Variants in RASSF6 observed in about 807,000 individuals in gnomAD.
RASSF6 encodes ras association domain-containing protein 6.
RASSF6 carries 52 observed loss-of-function variants against 44.0 expected under a neutral mutation model. The ratio of observed to expected loss-of-function variants is 1.18; its 90% CI spans 0.95 to 1.49. The LOEUF (loss-of-function observed/expected upper bound fraction) is 1.49. Among genes scored for constraint, RASSF6 ranks in the 40% most tolerant of loss-of-function variants. RASSF6 has a pLI of 0.00. For synonymous variants in RASSF6, 162 were observed against 124.6 expected (o/e 1.30, Z -2.00); for missense variants, 464 against 393.3 (o/e 1.18, Z -1.52).
At chr4:73,586,017 T>A (rs10021827) in intron 5 of RASSF6, among the ~76,000 whole-genome samples, 34,623 of 122,568 alleles carry the variant, frequency 0.28, 4,982 homozygotes, top group Middle Eastern at 0.43. Context: ...GCCCAAGTTC[T>A]TTGGAGCTTT....
chr4:73,612,562 G>T (rs1350533299), intron 1 of RASSF6, among the ~76,000 whole-genome samples: 2 of 151,176 alleles, frequency 1.3e-5, no homozygotes, highest in African/African-American at 4.9e-5. Flanking sequence ...GGTTATTTGG[G>T]TTGGGTAAGA....
Position 73,607,801 on chromosome 4 carries a change from A to G in RASSF6, c.65+3930T>C. On this transcript the variant is annotated intron_variant, in intron 2 of 10. Coordinates refer to ENST00000307439, the MANE Select transcript of RASSF6 (RefSeq NM_177532.5). ...AGCTTCAGATTGCAAGCTCCACAAG[A>G]GTAGGACAGCTACCTCCTCTCCTCT... 1.3e-5 allele frequency among the ~76,000 whole-genome samples: 2 copies of G among 152,180 alleles called. 1 individual carries two copies. Among genetic ancestry groups the G allele is most frequent in the Non-Finnish European group, 2.9e-5 (2 of 67,972 alleles).
At chr4:73,615,303 G>C (rs1578069948) in intron 1 of RASSF6, among the ~76,000 whole-genome samples, 1 of 151,858 alleles carries the variant, frequency 6.6e-6, no homozygotes, top group East Asian at 1.9e-4. Flanking sequence ...ATGATTCATA[G>C]CAAACTAAAA....
chr4:73,617,781 A>G, intron 1 of RASSF6, among the ~76,000 whole-genome samples: 1 of 152,242 alleles, frequency 6.6e-6, no homozygotes, highest in Non-Finnish European at 1.5e-5. Context: ...CATACAAATT[A>G]ATTTTTGCAA....
Position 73,593,535 on chromosome 4 carries a change from C to T in RASSF6, c.203G>A (p.Arg68Gln), listed in dbSNP as rs1302260242. The part of the protein sequence containing the change: ...GMLDIFWGVK[R>Q]PIQLKIQDEK... ...ATCTTGTATTTTTAGCTGTATAGGTCGTTTTACTCCCCAGAAAATGTCCAG... is the reference window on the plus strand; with the variant it reads ...ATCTTGTATTTTTAGCTGTATAGGTTGTTTTACTCCCCAGAAAATGTCCAG... The change falls in exon 4 of 11, where the codon CGA becomes CAA. Residue 68 changes from arginine to glutamine, a missense_variant. By Grantham distance (43) the Arg-to-Gln change is conservative (BLOSUM62 1). Coordinates refer to ENST00000307439, the MANE Select transcript of RASSF6 (RefSeq NM_177532.5). 6.2e-7 allele frequency: 1 copy of T among 1,613,552 alleles called. No individual in the cohort carries two copies. Among genetic ancestry groups the T allele is most frequent in the Non-Finnish European group, 8.5e-7 (1 of 1,179,694 alleles).
chr4:73,581,208 A>C (rs1723622848), intron 8 of RASSF6, among the ~76,000 whole-genome samples: 1 of 152,172 alleles, frequency 6.6e-6, no homozygotes, highest in African/African-American at 2.4e-5. Flanking sequence ...TTGATATATA[A>C]AATTTTTCAT....
At chr4:73,588,598 A>T (rs1214253450) in intron 4 of RASSF6, among the ~76,000 whole-genome samples, 1 of 152,036 alleles carries the variant, frequency 6.6e-6, no homozygotes, top group Non-Finnish European at 1.5e-5. Flanking sequence ...GTCTTAAACA[A>T]GTTTCTTATC....
chr4:73,612,490 TTTTTTAAAA>T (rs1289581402), intron 1 of RASSF6, among the ~76,000 whole-genome samples: 2 of 22,600 alleles, frequency 8.8e-5, no homozygotes, highest in South Asian at 3.5e-3. Flanking sequence ...TTTTTTTTTT[TTTTTTAAAA>T]AAAAAAACGT....
At position 73,611,835 on chromosome 4, in the gene RASSF6, C is replaced by G. The variant is rs773058950; in HGVS notation, c.-34-6G>C. 1 of 1,553,638 alleles carries G rather than the reference C, an allele frequency of 6.4e-7. No individual in the cohort carries two copies. Among genetic ancestry groups the G allele is most frequent in the Non-Finnish European group, 8.9e-7 (1 of 1,126,582 alleles). ...TGAGATGGTCTGAGGATATCCTAAA[C>G]ATGAGAATAATATTAATGATTTGTT... is the stretch of plus-strand genomic sequence containing the variant. On this transcript the variant is annotated splice_polypyrimidine_tract_variant and splice_region_variant and intron_variant, in intron 1 of 10. Coordinates refer to ENST00000307439, the MANE Select transcript of RASSF6 (RefSeq NM_177532.5).
intron 1 of RASSF6, 41 bp downstream of exon 1, chr4:73,620,247 G>A (rs1726613265): frequency 1.6e-6 from 2 of 1,290,158 alleles, no homozygotes; most frequent in African/African-American, 3.1e-5. Flanking sequence ...TGACCCCAGG[G>A]AGTGGATTAG....
intron 3 of RASSF6, among the ~76,000 whole-genome samples, chr4:73,598,016 A>G (rs749124829): frequency 6.6e-6 from 1 of 152,208 alleles, no homozygotes. Context: ...ACTAATGAGT[A>G]CTAGGCTCAA....
rs761290627 is a variant in RASSF6, at chr4:73,585,227, T to C, written c.520A>G (p.Arg174Gly). 6.2e-7 allele frequency: 1 copy of C among 1,612,210 alleles called. No individual in the cohort carries two copies. The highest frequency in any genetic ancestry group is 8.5e-7 in the Non-Finnish European group (1 of 1,179,002). Residue 174 changes from arginine to glycine, a missense_variant, in exon 6 of 11, where the codon AGA (arginine) becomes GGA (glycine). Physicochemically the swap from Arg to Gly is moderately radical, Grantham distance 125. Transcript: ENST00000307439. ...TTAATAGAGGCTCTATTTTTCTGTC[T>C]TTCTTTTCTGTCCATCATCAGAGGC... ...MKPLMMDRKE[R>G]QKNRASINGH...
chr4:73,578,463 G>A (rs1454342455), intron 8 of RASSF6, among the ~76,000 whole-genome samples: 1 of 151,934 alleles, frequency 6.6e-6, no homozygotes, highest in African/African-American at 2.4e-5. Flanking sequence ...TATTGTAATT[G>A]GAACAAACGA....
At chr4:73,616,285 G>A (rs1267241397) in intron 1 of RASSF6, among the ~76,000 whole-genome samples, 1 of 151,588 alleles carries the variant, frequency 6.6e-6, no homozygotes, top group African/African-American at 2.4e-5. Context: ...ATATACAGGT[G>A]CTAACTTCCC....
intron 3 of RASSF6, among the ~76,000 whole-genome samples, chr4:73,596,866 GA>G (rs1724974815): frequency 6.6e-6 from 1 of 152,104 alleles, no homozygotes; most frequent in African/African-American, 2.4e-5. Flanking sequence ...AAAACAAGCA[GA>G]GGGGAAAGGA....
chr4:73,580,716 G>C (rs534343649), intron 8 of RASSF6, among the ~76,000 whole-genome samples: 1 of 144,462 alleles, frequency 6.9e-6, no homozygotes, highest in East Asian at 2.1e-4. Context: ...TTTTTGATGG[G>C]GTTGTTTGTT....
At chr4:73,593,018 GA>G (rs1368822019) in intron 4 of RASSF6, among the ~76,000 whole-genome samples, 2 of 64,646 alleles carry the variant, frequency 3.1e-5, no homozygotes, top group East Asian at 5.1e-4. Context: ...GAGTTGCTGG[GA>G]TTTTTTTTTT....
chr4:73,591,325 A>G (rs1022271261), intron 4 of RASSF6, among the ~76,000 whole-genome samples: 5 of 152,206 alleles, frequency 3.3e-5, no homozygotes, highest in African/African-American at 1.2e-4. Context: ...ATACAAAATA[A>G]TGATGGTTTA....
At chr4:73,604,458 T>A (rs2149390391) in intron 2 of RASSF6, 1 of 152,494 alleles carries the variant, frequency 6.6e-6, no homozygotes, top group East Asian at 1.9e-4. Context: ...TGAGCGACAG[T>A]GAGACTCTGT....
Sources: gnomAD v4.1 joint callset for allele counts (sites outside exome capture counted in the v4.1 genomes callset) on GRCh38, gnomAD v4.1.1 for gene constraint, MANE v1.5 for transcripts, NCBI Gene and HGNC (gene_info 2026-07-23, HGNC 2026-07-21) for gene names.